The following PLD1 variants were observed in gnomAD, a reference collection of about 807,000 sequenced individuals.
PLD1 encodes the protein choline phosphatase 1.
In PLD1, 112 loss-of-function variants were observed where a neutral mutation model predicts 137.1. The ratio of observed to expected loss-of-function variants is 0.82; its 90% CI spans 0.70 to 0.96. The LOEUF (loss-of-function observed/expected upper bound fraction) is 0.96. Ranked by LOEUF, PLD1 falls within the 40% of genes least tolerant of loss-of-function variation. PLD1 has a pLI of 0.00. For synonymous variants in PLD1, 431 were observed against 454.7 expected, an observed-to-expected ratio of 0.95 and a Z score of 0.66; for missense variants, 1,321 against 1,342.0, an observed-to-expected ratio of 0.98 and a Z score of 0.24.
At chr3:171,760,925 A>G (rs897159219) in intron 1 of PLD1, among the ~76,000 whole-genome samples, 7 of 152,246 alleles carry the variant, frequency 4.6e-5, no homozygotes, top group African/African-American at 1.7e-4. Flanking sequence ...GGCAAACTTT[A>G]GTAGGATATT....
intron 14 of PLD1, 59 bp from the exon 15 acceptor site, chr3:171,687,643 T>A: frequency 9.3e-7 from 1 of 1,078,126 alleles, no homozygotes; most frequent in Non-Finnish European, 1.4e-6. Context: ...AGTGTGGTTC[T>A]TTAATTCAAG....
Position 171,768,921 on chromosome 3 carries a change from G to A in PLD1, c.-31-30839C>T, listed in dbSNP as rs1722162321. 2.6e-5 allele frequency among the ~76,000 whole-genome samples: 4 copies of A among 152,146 alleles called. No homozygotes were observed. In the South Asian group the frequency reaches 8.3e-4, roughly 31 times the overall value. Reference sequence around the variant, plus strand: ...TGAGACAAATGCTCATCTCTTATTAGCCAAAAGACCCAGATATAACAAAAT... The same window carrying A: ...TGAGACAAATGCTCATCTCTTATTAACCAAAAGACCCAGATATAACAAAAT... On this transcript the variant is annotated intron_variant, in intron 1 of 26. Transcript: ENST00000351298.
chr3:171,724,168 G>A (rs1346338974), intron 8 of PLD1, among the ~76,000 whole-genome samples: 2 of 152,140 alleles, frequency 1.3e-5, no homozygotes, highest in African/African-American at 2.4e-5. Flanking sequence ...GAATTGCTGG[G>A]ACATGTGGTA....
At chr3:171,749,765 A>G (rs1415239140) in intron 1 of PLD1, among the ~76,000 whole-genome samples, 2 of 152,202 alleles carry the variant, frequency 1.3e-5, no homozygotes, top group Non-Finnish European at 2.9e-5. Flanking sequence ...GTGAGGCCAG[A>G]AATCCTAGAA....
chr3:171,723,373 T>C (rs1266537882), intron 8 of PLD1, among the ~76,000 whole-genome samples: 1 of 152,212 alleles, frequency 6.6e-6, no homozygotes, highest in Admixed American at 6.5e-5. Flanking sequence ...CATTCATCTG[T>C]TGATGAACAC....
chr3:171,641,157 G>T (rs1225098523), intron 23 of PLD1, among the ~76,000 whole-genome samples: 2 of 152,122 alleles, frequency 1.3e-5, no homozygotes, highest in African/African-American at 4.8e-5. Flanking sequence ...AGCAGCTGTT[G>T]GCTTTTAAGA....
intron 1 of PLD1, among the ~76,000 whole-genome samples, chr3:171,782,572 C>T (rs1005148205): frequency 6.6e-6 from 1 of 152,082 alleles, no homozygotes; most frequent in Non-Finnish European, 1.5e-5. Flanking sequence ...GACGTATGTT[C>T]AAGCAATAAA....
intron 24 of PLD1, among the ~76,000 whole-genome samples, chr3:171,619,841 C>T (rs565065808): frequency 1.2e-3 from 178 of 151,658 alleles, no homozygotes; most frequent in Admixed American, 2.9e-3. Flanking sequence ...TCCCAGCACA[C>T]GGGAGACTGA....
chr3:171,643,376 G>A (rs1297322377), intron 22 of PLD1, among the ~76,000 whole-genome samples: 1 of 151,978 alleles, frequency 6.6e-6, no homozygotes, highest in Non-Finnish European at 1.5e-5. Flanking sequence ...TCAAATAAAG[G>A]ACTCTGCTAA....
At chr3:171,629,226 A>G (rs1057403616) in intron 23 of PLD1, among the ~76,000 whole-genome samples, 1 of 152,162 alleles carries the variant, frequency 6.6e-6, no homozygotes, top group Non-Finnish European at 1.5e-5. Context: ...TAACAGACAA[A>G]CAGAAACCCA....
At position 171,603,033 on chromosome 3, in the gene PLD1, TG is replaced by T; in HGVS notation, c.*44del. On this transcript the variant is annotated 3_prime_UTR_variant, in exon 27 of 27. Coordinates refer to ENST00000351298, the MANE Select transcript of PLD1 (RefSeq NM_002662.5). Reference sequence around the variant, plus strand: ...ATCCCCAGGAAGTCACTGTGTGCAGTGTGGTCTCCAGGGTGGAAGTCTTTGA... The same window carrying T: ...ATCCCCAGGAAGTCACTGTGTGCAGTTGGTCTCCAGGGTGGAAGTCTTTGA... The T allele has an allele frequency of 7.4e-7, 1 of 1,359,232 alleles. No individual in the cohort carries two copies. The highest frequency in any genetic ancestry group is 1.0e-6 in the Non-Finnish European group (1 of 953,926). 84.2% of individuals were successfully genotyped at this position (1,359,232 alleles called of 1,614,324 possible).
At chr3:171,717,633 CTG>C (rs1240970095) in intron 8 of PLD1, among the ~76,000 whole-genome samples, 1 of 152,178 alleles carries the variant, frequency 6.6e-6, no homozygotes, top group East Asian at 1.9e-4. Flanking sequence ...TGGGCAAAGA[CTG>C]TGGAGTTTTC....
At chr3:171,641,455 T>C (rs1437091570) in intron 23 of PLD1, among the ~76,000 whole-genome samples, 2 of 152,228 alleles carry the variant, frequency 1.3e-5, no homozygotes, top group African/African-American at 2.4e-5. Flanking sequence ...GAAAGTCTAT[T>C]ATTTTCTACC....
chr3:171,662,223 G>C, intron 19 of PLD1, 53 bp from the exon 20 acceptor site: 1 of 984,996 alleles, frequency 1.0e-6, no homozygotes, highest in Non-Finnish European at 1.6e-6. Context: ...GAGGACATCA[G>C]ATATATTAAT....
At chr3:171,715,047 G>A (rs1717566134) in intron 8 of PLD1, among the ~76,000 whole-genome samples, 1 of 152,128 alleles carries the variant, frequency 6.6e-6, no homozygotes, top group East Asian at 1.9e-4. Context: ...GACCTAACAT[G>A]ATACAACTGA....
chr3:171,785,032 T>C (rs1310369145), intron 1 of PLD1, among the ~76,000 whole-genome samples: 2 of 152,224 alleles, frequency 1.3e-5, no homozygotes, highest in Admixed American at 1.3e-4. Flanking sequence ...GCATTCTGTC[T>C]CTGAAGTACA....
chr3:171,633,945 T>G (rs762598374), intron 23 of PLD1, among the ~76,000 whole-genome samples: 3 of 152,220 alleles, frequency 2.0e-5, no homozygotes, highest in Non-Finnish European at 2.9e-5. Context: ...TTTTAACATA[T>G]TCATAGCAGC....
intron 12 of PLD1, among the ~76,000 whole-genome samples, chr3:171,697,436 G>A (rs1715849929): frequency 6.6e-6 from 1 of 151,500 alleles, no homozygotes; most frequent in Non-Finnish European, 1.5e-5. Context: ...TAGTAGAGAC[G>A]GGGTCCGACA....
At chr3:171,742,743 C>T (rs1033935445) in intron 1 of PLD1, among the ~76,000 whole-genome samples, 3 of 152,120 alleles carry the variant, frequency 2.0e-5, no homozygotes, top group Admixed American at 2.0e-4. Context: ...ACTTGATGCT[C>T]TCTGAGATAT....
Sources: allele counts gnomAD v4.1 joint callset (sites outside exome capture counted in the v4.1 genomes callset), GRCh38; gene constraint gnomAD v4.1.1; transcripts MANE v1.5; gene names NCBI Gene and HGNC (gene_info 2026-07-23, HGNC 2026-07-21).